ANAPC10: variants seen among roughly 807,000 people sequenced by gnomAD.
The protein encoded by ANAPC10 is anaphase-promoting complex subunit 10.
ANAPC10 carries 12 observed loss-of-function variants against 22.0 expected under a neutral mutation model. The ratio of observed to expected loss-of-function variants is 0.55; its 90% confidence interval spans 0.35 to 0.88. The LOEUF (loss-of-function observed/expected upper bound fraction) is 0.88, where lower values mean the gene tolerates loss of function less well. ANAPC10 is among the 40% of genes least tolerant of loss of function. ANAPC10 has a pLI of 0.01. For synonymous variants in ANAPC10, 65 were observed against 69.5 expected, an observed-to-expected ratio of 0.94 and a Z score of 0.32; for missense variants, 188 against 220.9, an observed-to-expected ratio of 0.85 and a Z score of 0.94.
intron 4 of ANAPC10, among the ~76,000 whole-genome samples, chr4:145,047,024 T>C (rs960702019): frequency 1.3e-5 from 2 of 152,106 alleles, no homozygotes; most frequent in African/African-American, 4.8e-5. Context: ...TCTATACATA[T>C]TAGGTTCATG....
At chr4:144,999,444 AAAG>A (rs1267083135) in intron 4 of ANAPC10, 1 of 152,246 alleles carries the variant, frequency 6.6e-6, no homozygotes, top group Non-Finnish European at 1.5e-5. Context: ...CAACTGCTAC[AAAG>A]AAAATAAAAT....
At chr4:145,030,786 C>A (rs1241306874) in intron 4 of ANAPC10, among the ~76,000 whole-genome samples, 1 of 152,170 alleles carries the variant, frequency 6.6e-6, no homozygotes, top group East Asian at 1.9e-4. Flanking sequence ...AATAGTAAAT[C>A]AAAAACAGTA....
intron 2 of ANAPC10, among the ~76,000 whole-genome samples, chr4:145,093,589 G>GA (rs1748043511): frequency 6.7e-6 from 1 of 149,284 alleles, no homozygotes; most frequent in South Asian, 2.1e-4. Context: ...CAAAAACCTA[G>GA]AAAGGTAGAT....
chr4:145,070,375 T>G (rs926137530), intron 3 of ANAPC10, among the ~76,000 whole-genome samples: 5 of 152,028 alleles, frequency 3.3e-5, no homozygotes, highest in African/African-American at 1.2e-4. Flanking sequence ...AGCAGTCATT[T>G]CTCTGAAGAA....
chr4:145,011,929 C>T (rs115587574), intron 4 of ANAPC10, among the ~76,000 whole-genome samples: 2 of 152,112 alleles, frequency 1.3e-5, no homozygotes, highest in African/African-American at 4.8e-5. Flanking sequence ...TAGTTGAAAG[C>T]CTTGAGGGGC....
intron 4 of ANAPC10, among the ~76,000 whole-genome samples, chr4:145,058,841 A>G (rs1243622742): frequency 6.6e-6 from 1 of 152,182 alleles, no homozygotes; most frequent in African/African-American, 2.4e-5. Flanking sequence ...ACAATAATAA[A>G]TAAAAGTTTT....
chr4:145,096,771 A>G (rs1386760037), intron 1 of ANAPC10, among the ~76,000 whole-genome samples: 1 of 151,876 alleles, frequency 6.6e-6, no homozygotes, highest in East Asian at 1.9e-4. Flanking sequence ...GCTGGTCTTG[A>G]ACACCTTGCT....
chr4:145,053,240 A>G (rs1001914191), intron 4 of ANAPC10, among the ~76,000 whole-genome samples: 6 of 152,248 alleles, frequency 3.9e-5, no homozygotes. Flanking sequence ...CTCAGGAAAC[A>G]TGTTAATTTG....
chr4:145,035,376 T>C (rs1738357318), intron 4 of ANAPC10: 1 of 152,192 alleles, frequency 6.6e-6, no homozygotes, highest in Non-Finnish European at 1.5e-5. Context: ...TCTCAAGATT[T>C]TGGAGAGCAA....
intron 4 of ANAPC10, among the ~76,000 whole-genome samples, chr4:145,006,402 T>A (rs1295786660): frequency 1.3e-5 from 2 of 151,984 alleles, no homozygotes; most frequent in African/African-American, 2.4e-5. Flanking sequence ...GAGATATGGG[T>A]CTCCTGAATA....
At chr4:145,044,485 C>A (rs935523857) in intron 4 of ANAPC10, among the ~76,000 whole-genome samples, 2 of 152,074 alleles carry the variant, frequency 1.3e-5, no homozygotes, top group African/African-American at 4.8e-5. Context: ...CAACTCCCAC[C>A]CACCATGACC....
intron 4 of ANAPC10, 166 bp downstream of exon 4, chr4:145,064,406 C>A (rs546295635): frequency 4.5e-6 from 2 of 446,202 alleles, no homozygotes; most frequent in Non-Finnish European, 7.6e-6. Context: ...ATAAAGAGAA[C>A]AATCAGAATT....
intron 2 of ANAPC10, among the ~76,000 whole-genome samples, chr4:145,087,466 G>T (rs545275728): frequency 3.3e-5 from 5 of 152,082 alleles, no homozygotes; most frequent in African/African-American, 1.2e-4. Context: ...CTGCTAGGGG[G>T]CTATTTTAAC....
rs1429414926 is a variant in ANAPC10 at position 144,994,961 on chromosome 4, A to T, written c.*412T>A. On this transcript the variant is annotated 3_prime_UTR_variant, in exon 5 of 5. Transcript: ENST00000507656. ...TAGTAATTTTGACCTATTAAAGATG[A>T]TATATATTGATAAAACACAGTCTTG... The T allele has an allele frequency of 6.4e-6, 1 of 155,318 alleles. No individual in the cohort carries two copies. The highest frequency in any genetic ancestry group is 6.4e-5 in the Admixed American group (1 of 15,696). The allele number at this position is 155,318 out of a possible 1,614,324, so 9.6% of individuals were successfully genotyped here.
intron 2 of ANAPC10, among the ~76,000 whole-genome samples, chr4:145,095,698 T>G (rs941290258): frequency 6.6e-6 from 1 of 152,222 alleles, no homozygotes; most frequent in Admixed American, 6.5e-5. Flanking sequence ...GAGAGACCAC[T>G]TTCACAAAAC....
intron 4 of ANAPC10, among the ~76,000 whole-genome samples, chr4:145,045,351 A>C (rs922507716): frequency 1.3e-5 from 2 of 152,062 alleles, no homozygotes; most frequent in Non-Finnish European, 2.9e-5. Flanking sequence ...ATATATCTCC[A>C]AGATTCACAC....
chr4:145,001,855 A>C (rs568719962), intron 4 of ANAPC10, among the ~76,000 whole-genome samples: 1 of 152,304 alleles, frequency 6.6e-6, no homozygotes, highest in South Asian at 2.1e-4. Flanking sequence ...ACTTAAGAGC[A>C]GATGTAACCC....
chr4:145,022,235 CA>C (rs1194370399), intron 4 of ANAPC10, among the ~76,000 whole-genome samples: 2 of 152,018 alleles, frequency 1.3e-5, no homozygotes, highest in Non-Finnish European at 2.9e-5. Context: ...TTCACAATTG[CA>C]AAATCATGGA....
At chr4:145,080,156 C>G (rs1308342823) in intron 3 of ANAPC10, among the ~76,000 whole-genome samples, 1 of 136,270 alleles carries the variant, frequency 7.3e-6, no homozygotes, top group Non-Finnish European at 1.6e-5. Flanking sequence ...TGAATACACA[C>G]AGATACAAAA....
Sources: allele counts gnomAD v4.1 joint callset (sites outside exome capture counted in the v4.1 genomes callset), GRCh38; gene constraint gnomAD v4.1.1; transcripts MANE v1.5; gene names NCBI Gene and HGNC (gene_info 2026-07-23, HGNC 2026-07-21).